The following PRKCB variants were observed in gnomAD, a reference collection of about 807,000 sequenced individuals.
PRKCB encodes protein kinase C beta type.
A neutral mutation model predicts 81.5 loss-of-function variants in PRKCB; 13 were observed. That is an observed-to-expected ratio of 0.16 (90% CI 0.10 to 0.25). The LOEUF (loss-of-function observed/expected upper bound fraction) is 0.25, where lower values mean the gene tolerates loss of function less well. Among genes scored for constraint, PRKCB ranks in the 10% least tolerant of loss-of-function variants. The pLI is 1.00. For synonymous variants in PRKCB, 335 were observed against 321.4 expected, an observed-to-expected ratio of 1.04 and a Z score of -0.45; for missense variants, 509 against 875.7, an observed-to-expected ratio of 0.58 and a Z score of 5.29.
At chr16:23,950,132 A>AGTG (rs55986931) in intron 2 of PRKCB, among the ~76,000 whole-genome samples, 1 of 97,760 alleles carries the variant, frequency 1.0e-5, no homozygotes, top group African/African-American at 4.2e-5. Flanking sequence ...TATGATTTGA[A>AGTG]TTTTTTTTTT....
intron 2 of PRKCB, among the ~76,000 whole-genome samples, chr16:23,888,532 G>A (rs16972952): frequency 0.064 from 9,692 of 152,182 alleles, 1,001 homozygotes; most frequent in African/African-American, 0.22. Context: ...AGGGTGCTTG[G>A]TAACCATTTC....
intron 5 of PRKCB, among the ~76,000 whole-genome samples, chr16:24,080,079 G>A (rs1162395919): frequency 6.6e-5 from 10 of 152,086 alleles, no homozygotes; most frequent in African/African-American, 9.6e-5. Flanking sequence ...GTGTGCGATC[G>A]GTTTCTAGCT....
intron 5 of PRKCB, among the ~76,000 whole-genome samples, chr16:24,070,293 C>T (rs909797286): frequency 1.3e-5 from 2 of 152,058 alleles, no homozygotes; most frequent in Non-Finnish European, 2.9e-5. Flanking sequence ...GGATTACAGG[C>T]ATGTGCCATC....
intron 2 of PRKCB, among the ~76,000 whole-genome samples, chr16:23,982,115 T>TCCCTTCCTTTTCCCTTCCCCTTC (rs1964736934): frequency 2.5e-5 from 1 of 40,282 alleles, no homozygotes; most frequent in Non-Finnish European, 4.7e-5. Flanking sequence ...CCCTTCCCTT[T>TCCCTTCCTTTTCCCTTCCCCTTC]CCCTTCCCCT....
At chr16:24,048,699 T>C (rs1280768074) in intron 5 of PRKCB, among the ~76,000 whole-genome samples, 1 of 151,676 alleles carries the variant, frequency 6.6e-6, no homozygotes, top group Non-Finnish European at 1.5e-5. Context: ...ACCATGTTGG[T>C]CAGGCTGCCT....
At chr16:23,847,410 A>G (rs1365404607) in intron 2 of PRKCB, among the ~76,000 whole-genome samples, 2 of 151,070 alleles carry the variant, frequency 1.3e-5, no homozygotes, top group African/African-American at 4.9e-5. Flanking sequence ...CCATCCACCT[A>G]TCCACCAATA....
chr16:23,946,817 G>A lies in PRKCB; in HGVS notation c.206-41691G>A, dbSNP rs1309906490. 5.3e-5 allele frequency among the ~76,000 whole-genome samples: 8 copies of A among 151,904 alleles called. No homozygotes were observed. In the South Asian group the frequency reaches 1.0e-3, roughly 20 times the overall value. On this transcript the variant is annotated intron_variant, in intron 2 of 16. Transcript: ENST00000643927. ...CTGCCAGATGGTGCTGATTCTGCTA[G>A]TCCATAGATCACACGTTTTCTTTCA...
In PRKCB at chr16:23,864,807, G is replaced by A. The variant is rs369501442; in HGVS notation, c.205+27401G>A. ...ACGTGGTTATGGAGCGTGATGCTAA[G>A]GTTAGGGTTTCTATTGGTCGCGCCA... is the stretch of plus-strand genomic sequence containing the variant. On this transcript the variant is annotated intron_variant, in intron 2 of 16. Transcript: ENST00000643927. Among the ~76,000 whole-genome samples, 63 of 152,176 alleles carry A rather than the reference G, an allele frequency of 4.1e-4. 4 individuals are homozygous for A. Among genetic ancestry groups the A allele is most frequent in the African/African-American group, 1.4e-3 (57 of 41,518 alleles).
chr16:24,082,034 A>G (rs2141893240), intron 5 of PRKCB, among the ~76,000 whole-genome samples: 1 of 152,344 alleles, frequency 6.6e-6, no homozygotes, highest in East Asian at 1.9e-4. Flanking sequence ...GGGTTGCAGC[A>G]TACAAGTCAA....
At chr16:23,885,445 G>A (rs771048026) in intron 2 of PRKCB, among the ~76,000 whole-genome samples, 6 of 151,938 alleles carry the variant, frequency 3.9e-5, no homozygotes, top group Non-Finnish European at 7.4e-5. Context: ...AGTAGCTGAG[G>A]TTATAGGCGC....
At chr16:24,003,291 C>G (rs1312636376) in intron 3 of PRKCB, among the ~76,000 whole-genome samples, 2 of 152,100 alleles carry the variant, frequency 1.3e-5, no homozygotes, top group Non-Finnish European at 2.9e-5. Context: ...TCATTTGCTC[C>G]TGCTGTAGAT....
intron 2 of PRKCB, among the ~76,000 whole-genome samples, chr16:23,933,808 A>ATCCC (rs60139856): frequency 7.6e-6 from 1 of 132,126 alleles, no homozygotes; most frequent in African/African-American, 3.0e-5. Context: ...CCATCCATCC[A>ATCCC]CCCATCCATC....
chr16:23,950,142 T>TGG, intron 2 of PRKCB, among the ~76,000 whole-genome samples: 1 of 144,336 alleles, frequency 6.9e-6, no homozygotes, highest in South Asian at 2.3e-4. Context: ...ATTTTTTTTT[T>TGG]TTTTTTTTTT....
intron 8 of PRKCB, among the ~76,000 whole-genome samples, chr16:24,114,057 A>G (rs1966709202): frequency 6.6e-6 from 1 of 151,610 alleles, no homozygotes. Context: ...TCTCTACTAA[A>G]AATACAAAAA....
At chr16:24,165,883 C>CTTTTTTTTTTT (rs71154285) in intron 10 of PRKCB, among the ~76,000 whole-genome samples, 9 of 93,998 alleles carry the variant, frequency 9.6e-5, no homozygotes, top group African/African-American at 1.9e-4. Context: ...TTCTTTCTTT[C>CTTTTTTTTTTT]TTTTTTTTTT....
intron 2 of PRKCB, among the ~76,000 whole-genome samples, chr16:23,981,944 T>C (rs865981613): frequency 9.4e-4 from 53 of 56,398 alleles, no homozygotes; most frequent in Admixed American, 1.2e-3. Flanking sequence ...TTCCCTTCCC[T>C]TTCCCTTCCC....
chr16:24,174,464 A>T, intron 11 of PRKCB, 54 bp from the exon 12 acceptor site: 2 of 1,503,384 alleles, frequency 1.3e-6, no homozygotes, highest in Non-Finnish European at 1.8e-6. Context: ...AGCATTGCCA[A>T]GCATATGGTG....
At chr16:24,150,336 G>GAAAAC (rs765766533) in intron 9 of PRKCB, among the ~76,000 whole-genome samples, 5 of 151,956 alleles carry the variant, frequency 3.3e-5, no homozygotes, top group East Asian at 1.9e-4. Context: ...ACGAAAAACA[G>GAAAAC]AAAACAAAAC....
At chr16:23,904,106 C>T (rs1482942127) in intron 2 of PRKCB, among the ~76,000 whole-genome samples, 1 of 152,122 alleles carries the variant, frequency 6.6e-6, no homozygotes, top group Admixed American at 6.5e-5. Context: ...CCCTCATGAG[C>T]TATAAGGGCC....
Sources: allele counts gnomAD v4.1 joint callset (sites outside exome capture counted in the v4.1 genomes callset), GRCh38; gene constraint gnomAD v4.1.1; transcripts MANE v1.5; gene names NCBI Gene and HGNC (gene_info 2026-07-23, HGNC 2026-07-21).